POFUT2: variants seen among roughly 807,000 people sequenced by gnomAD.
The protein encoded by POFUT2 is GDP-fucose protein O-fucosyltransferase 2.
A neutral mutation model predicts 55.0 loss-of-function variants in POFUT2; 30 were observed. The observed-to-expected ratio is 0.55, with a 90% CI of 0.41 to 0.74. The LOEUF (loss-of-function observed/expected upper bound fraction) is 0.74. Ranked by LOEUF, POFUT2 falls within the 30% of genes least tolerant of loss-of-function variation. The pLI, the probability that POFUT2 is intolerant of heterozygous loss-of-function variation, is 0.00. For missense variants in POFUT2, 524 were observed against 562.6 expected (o/e 0.93, Z 0.69); for synonymous variants, 267 against 231.1 (o/e 1.16, Z -1.41).
At position 45,282,674 on chromosome 21, in the gene POFUT2, C is replaced by T. The variant is rs1249706324; in HGVS notation, c.528-215G>A. 1.7e-6 allele frequency: 1 copy of T among 587,756 alleles called. No individual in the cohort carries two copies. The highest frequency in any genetic ancestry group is 3.1e-6 in the Non-Finnish European group (1 of 323,680). 36.4% of individuals were successfully genotyped at this position (587,756 alleles called of 1,614,324 possible). A position where few individuals can be genotyped will look rare whatever the true frequency, so the allele number is the denominator to read the frequency against. The stretch of plus-strand genomic sequence containing the variant: ...CAGGCTGATGGACCACTGAGGCTTT[C>T]CCCATGATAGGGGCTGGCGGGATGG... On this transcript the variant is annotated intron_variant, in intron 3 of 8. Transcript: ENST00000349485. This position sits in a 1 kb window ranked among gnomAD's most constrained non-coding sequence, Gnocchi z 4.6.
At chr21:45,286,666 C>T (rs374254360) in intron 1 of POFUT2, among the ~76,000 whole-genome samples, 19 of 152,010 alleles carry the variant, frequency 1.2e-4, no homozygotes, top group African/African-American at 4.6e-4. Context: ...ACACAAAGCG[C>T]CCCAAGGCAC....
At position 45,267,195 on chromosome 21, in the gene POFUT2, G is replaced by A. The variant is rs145343605; in HGVS notation, c.1136+395C>T. The A allele has an allele frequency of 1.0e-3, 1,388 of 1,371,542 alleles. 11 individuals carry two copies. In the African/African-American group the frequency reaches 0.017, roughly 16 times the overall value. 85.0% of individuals were successfully genotyped at this position (1,371,542 alleles called of 1,614,324 possible). On this transcript the variant is annotated intron_variant, in intron 8 of 8. Transcript: ENST00000349485. The surrounding 1 kb of genome is among the most constrained non-coding windows in gnomAD (Gnocchi z 4.4). ...ACGAGGGCCCACGCTCCCGGCCTCG[G>A]GGACGCTCACGGATGCTCAACAACA... is the stretch of plus-strand genomic sequence containing the variant.
At chr21:45,266,090 GC>G in intron 8 of POFUT2, 5 of 1,322,676 alleles carry the variant, frequency 3.8e-6, no homozygotes, top group South Asian at 3.6e-5. Context: ...GGAGGTCAAG[GC>G]CCCCTCCACA....
Position 45,267,964 on chromosome 21 carries a change from C to T in POFUT2, c.1013-251G>A, listed in dbSNP as rs941910083. 8.5e-5 allele frequency among the ~76,000 whole-genome samples: 13 copies of T among 152,098 alleles called. No homozygotes were observed. Among genetic ancestry groups the T allele is most frequent in the Non-Finnish European group, 1.3e-4 (9 of 68,022 alleles). On this transcript the variant is annotated intron_variant, in intron 7 of 8. Transcript: ENST00000349485. The surrounding 1 kb of genome is among the most constrained non-coding windows in gnomAD (Gnocchi z 4.4). The stretch of plus-strand genomic sequence containing the variant: ...AGGGATCAAGAAGAAAGGAAAGAAA[C>T]GTGCTCCCTCTCCCTCTCCTTCTCC...
Position 45,282,366 on chromosome 21 carries a change from C to T in POFUT2, c.621G>A (p.Leu207=), listed in dbSNP as rs1409421807. The T allele has an allele frequency of 1.2e-6, 2 of 1,612,476 alleles. No homozygotes were observed. The highest frequency in any genetic ancestry group is 1.3e-5 in the African/African-American group (1 of 74,888). Residue 207 remains leucine (L), a synonymous_variant, in exon 4 of 9, where the codon CTG becomes CTA. Transcript: ENST00000349485. The surrounding 1 kb of genome is among the most constrained non-coding windows in gnomAD (Gnocchi z 4.6). ...GCACTCACCGGGCTGATGTGTTTCTCAGCAGCAGGGGCGCCACGATGGAGG... is the reference window on the plus strand; with the variant it reads ...GCACTCACCGGGCTGATGTGTTTCTTAGCAGCAGGGGCGCCACGATGGAGG... The part of the protein sequence containing the change: ...GSASIVAPLL[L]RNTSARSVML...
rs767430817 is a variant in POFUT2 at position 45,265,506 on chromosome 21, G to A, written c.1266C>T (p.Pro422=). 4 of 1,613,626 alleles carry A rather than the reference G, an allele frequency of 2.5e-6. No individual in the cohort carries two copies. The Admixed American group carries it at 5.0e-5, about 20-fold the overall frequency. The stretch of plus-strand genomic sequence containing the variant: ...CTCAGTAGGTGATCTTCCAGTGGGT[G>A]GGTTGCTCACACGCCTTCTCTTGGT... ...CGDQEKACEQ[P]THWKITY Residue 422 remains proline (P), a synonymous_variant, in exon 9 of 9, where the codon CCC becomes CCT. Transcript: ENST00000349485. The surrounding 1 kb of genome is among the most constrained non-coding windows in gnomAD (Gnocchi z 4.6).
At position 45,265,822 on chromosome 21, in the gene POFUT2, C is replaced by G; in HGVS notation, c.1137-187G>C. 7.1e-7 allele frequency: 1 copy of G among 1,407,214 alleles called. No individual in the cohort carries two copies. Among genetic ancestry groups the G allele is most frequent in the South Asian group, 1.5e-5 (1 of 66,668 alleles). The allele number at this position is 1,407,214 out of a possible 1,614,324, so 87.2% of individuals were successfully genotyped here. ...CTGGCACCCCTCGCTCAGGTGCCCT[C>G]GACATCGGCGCCCTGAGGGGCTCTG... On this transcript the variant is annotated intron_variant, in intron 8 of 8. Coordinates refer to ENST00000349485, the MANE Select transcript of POFUT2 (RefSeq NM_133635.6). The surrounding 1 kb of genome is among the most constrained non-coding windows in gnomAD (Gnocchi z 4.6).
intron 6 of POFUT2, among the ~76,000 whole-genome samples, chr21:45,276,437 T>TA (rs909200685): frequency 1.1e-4 from 16 of 152,132 alleles, no homozygotes; most frequent in Non-Finnish European, 2.9e-5. Flanking sequence ...AAGTTTTGTT[T>TA]AAAAAACGCT....
chr21:45,278,212 G>A (rs774164717), intron 4 of POFUT2, 43 bp from the exon 5 acceptor site: 1 of 1,514,908 alleles, frequency 6.6e-7, no homozygotes, highest in Non-Finnish European at 9.2e-7. Context: ...TAAGAGTTAA[G>A]GATGATGACA....
chr21:45,277,241 C>A lies in POFUT2; in HGVS notation c.706-99G>T. 1 of 1,475,712 alleles carries A rather than the reference C, an allele frequency of 6.8e-7. No individual in the cohort carries two copies. The highest frequency in any genetic ancestry group is 1.2e-5 in the South Asian group (1 of 80,058). 91.4% of individuals were successfully genotyped at this position (1,475,712 alleles called of 1,614,324 possible). A position where few individuals can be genotyped will look rare whatever the true frequency, so the allele number is the denominator to read the frequency against. ...TCGCTGCCACCACCCACCCCCGCAG[C>A]TGGAACAAGCCCCTCAGACACGTCA... On this transcript the variant is annotated intron_variant, in intron 5 of 8. Transcript: ENST00000349485. This position sits in a 1 kb window ranked among gnomAD's most constrained non-coding sequence, Gnocchi z 6.9.
chr21:45,277,902 G>C lies in POFUT2; in HGVS notation c.705+201C>G, dbSNP rs868248736. 5 of 617,022 alleles carry C rather than the reference G, an allele frequency of 8.1e-6. No individual in the cohort carries two copies. Among genetic ancestry groups the C allele is most frequent in the Middle Eastern group, 9.0e-4 (2 of 2,230 alleles). The allele number at this position is 617,022 out of a possible 1,614,324, so 38.2% of individuals were successfully genotyped here. Reference sequence around the variant, plus strand: ...TCAGAGGGGAGAGCTGGGTGGCCCTGCGGGCTCCCGAGGACCTGGCTCTGC... The same window carrying C: ...TCAGAGGGGAGAGCTGGGTGGCCCTCCGGGCTCCCGAGGACCTGGCTCTGC... On this transcript the variant is annotated intron_variant, in intron 5 of 8. Transcript: ENST00000349485. This position sits in a 1 kb window ranked among gnomAD's most constrained non-coding sequence, Gnocchi z 6.9.
rs760356241 is a variant in POFUT2 at position 45,267,405 on chromosome 21, A to G, written c.1136+185T>C. ...GAGAACTAAAGGGGCAAGATGAACA[A>G]TTAACTTCAGCCCAGGGAAACACTG... On this transcript the variant is annotated intron_variant, in intron 8 of 8. Transcript: ENST00000349485. This position sits in a 1 kb window ranked among gnomAD's most constrained non-coding sequence, Gnocchi z 4.4. 3 of 1,605,880 alleles carry G rather than the reference A, an allele frequency of 1.9e-6. No homozygotes were observed. Among genetic ancestry groups the G allele is most frequent in the South Asian group, 2.2e-5 (2 of 90,616 alleles).
At chr21:45,268,139 A>C (rs1427565611) in intron 7 of POFUT2, among the ~76,000 whole-genome samples, 3 of 148,826 alleles carry the variant, frequency 2.0e-5, no homozygotes, top group Admixed American at 6.7e-5. Flanking sequence ...GATTGCAGGC[A>C]CGCGCCACCA....
At chr21:45,271,074 C>T (rs117545639) in intron 6 of POFUT2, among the ~76,000 whole-genome samples, 345 of 151,814 alleles carry the variant, frequency 2.3e-3, no homozygotes, top group Non-Finnish European at 4.3e-3. Flanking sequence ...TAAAGAATTC[C>T]GAAGGTTCAT....
chr21:45,283,836 G>A (rs1038219923), intron 2 of POFUT2, among the ~76,000 whole-genome samples: 8 of 152,118 alleles, frequency 5.3e-5, no homozygotes, highest in African/African-American at 9.7e-5. Context: ...CCCTCACGCC[G>A]TGGTCCAGGC....
rs764959091 is a variant in POFUT2, at chr21:45,285,660, C to G, written c.382+18G>C. On this transcript the variant is annotated intron_variant, in intron 2 of 8. Transcript: ENST00000349485. The surrounding 1 kb of genome is among the most constrained non-coding windows in gnomAD (Gnocchi z 4.9). The stretch of plus-strand genomic sequence containing the variant: ...CAGTTAAGCAACCACGGCCTCCCAG[C>G]GTGCCGCTCGGCCTCACCTGCGATG... 6.2e-7 allele frequency: 1 copy of G among 1,613,236 alleles called. No individual in the cohort carries two copies. Among genetic ancestry groups the G allele is most frequent in the African/African-American group, 1.3e-5 (1 of 74,924 alleles).
At position 45,285,456 on chromosome 21, in the gene POFUT2, C is replaced by T. The variant is rs140516301; in HGVS notation, c.382+222G>A. 4.4e-3 allele frequency: 2,673 copies of T among 612,980 alleles called. 21 individuals carry two copies. The highest frequency in any genetic ancestry group is 0.011 in the Middle Eastern group (42 of 3,920). The allele number at this position is 612,980 out of a possible 1,614,324, so 38.0% of individuals were successfully genotyped here. A position where few individuals can be genotyped will look rare whatever the true frequency, so the allele number is the denominator to read the frequency against. On this transcript the variant is annotated intron_variant, in intron 2 of 8. Coordinates refer to ENST00000349485, the MANE Select transcript of POFUT2 (RefSeq NM_133635.6). The surrounding 1 kb of genome is among the most constrained non-coding windows in gnomAD (Gnocchi z 4.9). The stretch of plus-strand genomic sequence containing the variant: ...GCACAAAGCTCATCCACTTCAGGTC[C>T]ATTTCCGAGAAACATTTTGGGAAGC...
chr21:45,267,902 G>A lies in POFUT2; in HGVS notation c.1013-189C>T, dbSNP rs547592858. Among the ~76,000 whole-genome samples, 1 of 152,294 alleles carries A rather than the reference G, an allele frequency of 6.6e-6. No homozygotes were observed. Among genetic ancestry groups the A allele is most frequent in the East Asian group, 1.9e-4 (1 of 5,178 alleles). ...AGTTGAAGATCATGCAGATCTTCAT[G>A]GATCTGGGTAGTTCCAGGTCTACCC... On this transcript the variant is annotated intron_variant, in intron 7 of 8. Transcript: ENST00000349485. This position sits in a 1 kb window ranked among gnomAD's most constrained non-coding sequence, Gnocchi z 4.4.
In POFUT2 at chr21:45,265,876, ACAGT is replaced by A; in HGVS notation, c.1137-245_1137-242del. ...GGTGCTGCAGCCCCATCCACACCCC[ACAGT>A]CAGCAGCCGCCACGCTCCTGTCCCA... On this transcript the variant is annotated intron_variant, in intron 8 of 8. Transcript: ENST00000349485. This position sits in a 1 kb window ranked among gnomAD's most constrained non-coding sequence, Gnocchi z 4.6. 1 of 1,357,818 alleles carries A rather than the reference ACAGT, an allele frequency of 7.4e-7. No homozygotes were observed. Among genetic ancestry groups the A allele is most frequent in the Non-Finnish European group, 9.5e-7 (1 of 1,049,960 alleles). 84.1% of individuals were successfully genotyped at this position (1,357,818 alleles called of 1,614,324 possible). A position where few individuals can be genotyped will look rare whatever the true frequency, so the allele number is the denominator to read the frequency against.
Sources: allele counts gnomAD v4.1 joint callset (sites outside exome capture counted in the v4.1 genomes callset), GRCh38; gene constraint gnomAD v4.1.1; non-coding constraint Gnocchi (gnomAD v3.1); transcripts MANE v1.5; gene names NCBI Gene and HGNC (gene_info 2026-07-23, HGNC 2026-07-21).